ALDH7A1: variants seen among roughly 807,000 people sequenced by gnomAD.
ALDH7A1 encodes alpha-aminoadipic semialdehyde dehydrogenase.
ALDH7A1 carries 63 observed loss-of-function variants against 79.9 expected under a neutral mutation model. The ratio of observed to expected loss-of-function variants is 0.79; its 90% CI spans 0.64 to 0.97. The LOEUF (loss-of-function observed/expected upper bound fraction) is 0.97. Among genes scored for constraint, ALDH7A1 ranks in the 50% least tolerant of loss-of-function variants. The pLI is 0.00. For synonymous variants in ALDH7A1, 240 were observed against 231.2 expected (o/e 1.04, Z -0.34); for missense variants, 627 against 665.2 (o/e 0.94, Z 0.63).
At chr5:126,572,355 A>AG (rs1185129135) in intron 7 of ALDH7A1, among the ~76,000 whole-genome samples, 1 of 152,174 alleles carries the variant, frequency 6.6e-6, no homozygotes. Context: ...AATTCTTCCC[A>AG]GGGACTCCGG....
rs184407835 is a variant in ALDH7A1 at position 126,584,797 on chromosome 5, C to T, written c.313-785G>A. Among the ~76,000 whole-genome samples the T allele has an allele frequency of 2.0e-4, 30 of 151,042 alleles. No individual in the cohort carries two copies. The South Asian group carries it at 4.2e-3, about 21-fold the overall frequency. ...AATTAAAGAACTCAGGATAACTTCC[C>T]GCTCTCTGGCTTAAATAGGTAGGTA... is the stretch of plus-strand genomic sequence containing the variant. On this transcript the variant is annotated intron_variant, in intron 3 of 17. Coordinates refer to ENST00000409134, the MANE Select transcript of ALDH7A1 (RefSeq NM_001182.5).
At chr5:126,572,466 A>G (rs1750808932) in intron 7 of ALDH7A1, among the ~76,000 whole-genome samples, 1 of 152,346 alleles carries the variant, frequency 6.6e-6, no homozygotes, top group African/African-American at 2.4e-5. Context: ...CCCCTAAGGC[A>G]TGAGAATCTA....
chr5:126,563,069 T>G (rs1170758487), intron 9 of ALDH7A1, among the ~76,000 whole-genome samples: 1 of 152,202 alleles, frequency 6.6e-6, no homozygotes, highest in Non-Finnish European at 1.5e-5. Flanking sequence ...TATGATCATG[T>G]GAATGTACTT....
chr5:126,551,317 G>C (rs1749988922), intron 14 of ALDH7A1, among the ~76,000 whole-genome samples: 1 of 146,634 alleles, frequency 6.8e-6, no homozygotes, highest in South Asian at 2.2e-4. Flanking sequence ...TATAACTATA[G>C]GTCTTTTTTT....
At chr5:126,588,143 T>G (rs1404029396) in intron 3 of ALDH7A1, 1 of 152,044 alleles carries the variant, frequency 6.6e-6, no homozygotes, top group Admixed American at 6.6e-5. Context: ...TTAAGAAAGA[T>G]CATAATGTCA....
intron 14 of ALDH7A1, among the ~76,000 whole-genome samples, chr5:126,550,809 AAAG>A (rs1449648170): frequency 6.6e-6 from 1 of 152,266 alleles, no homozygotes; most frequent in Non-Finnish European, 1.5e-5. Context: ...AGCAAGAAAT[AAAG>A]AAGCAATGAT....
At chr5:126,594,354 T>C in intron 1 of ALDH7A1, 5 of 449,144 alleles carry the variant, frequency 1.1e-5, no homozygotes, top group South Asian at 6.4e-5. Context: ...AGAGCCAGAG[T>C]TAAGCTCTAA....
At chr5:126,564,448 T>A (rs1750503147) in intron 9 of ALDH7A1, 1 of 1,021,010 alleles carries the variant, frequency 9.8e-7, no homozygotes, top group Non-Finnish European at 1.3e-6. Context: ...GTGCCCAGCC[T>A]TAGACATACA....
Position 126,568,373 on chromosome 5 carries a change from A to G in ALDH7A1, c.774-17T>C, listed in dbSNP as rs753037828. 1 of 1,608,662 alleles carries G rather than the reference A, an allele frequency of 6.2e-7. No homozygotes were observed. ...ATTGCTGTGCTGCAAGGGAACAGACACGGTCGGCCACCCAAGCAGAGAAAC... is the reference window on the plus strand; with the variant it reads ...ATTGCTGTGCTGCAAGGGAACAGACGCGGTCGGCCACCCAAGCAGAGAAAC... On this transcript the variant is annotated splice_polypyrimidine_tract_variant and intron_variant, in intron 8 of 17. Coordinates refer to ENST00000409134, the MANE Select transcript of ALDH7A1 (RefSeq NM_001182.5).
chr5:126,575,596 T>C (rs955416020), intron 6 of ALDH7A1, 132 bp from the exon 7 acceptor site: 135 of 731,654 alleles, frequency 1.8e-4, no homozygotes, highest in Admixed American at 1.1e-4. Flanking sequence ...CAAGTGAGTC[T>C]AGTAACTGAA....
rs1749689086 is a variant in ALDH7A1, at chr5:126,543,700, GA to G, written c.*1264del. 1 of 152,240 alleles carries G rather than the reference GA, an allele frequency of 6.6e-6. No individual in the cohort carries two copies. Among genetic ancestry groups the G allele is most frequent in the Admixed American group, 6.5e-5 (1 of 15,284 alleles). 9.4% of individuals were successfully genotyped at this position (152,240 alleles called of 1,614,324 possible). A position where few individuals can be genotyped will look rare whatever the true frequency, so the allele number is the denominator to read the frequency against. ...GCTCCATTCTAACCTGGCAGGAGTA[GA>G]GGGGTGCCATGCAGAAGGGGAGCAG... On this transcript the variant is annotated 3_prime_UTR_variant, in exon 18 of 18. Coordinates refer to ENST00000409134, the MANE Select transcript of ALDH7A1 (RefSeq NM_001182.5).
rs1251417923 is a variant in ALDH7A1 at position 126,561,200 on chromosome 5, C to T, written c.872-76G>A. 3.4e-6 allele frequency: 4 copies of T among 1,183,672 alleles called. No homozygotes were observed. In the East Asian group the frequency reaches 1.0e-4, roughly 31 times the overall value. The allele number at this position is 1,183,672 out of a possible 1,614,324, so 73.3% of individuals were successfully genotyped here. On this transcript the variant is annotated intron_variant, in intron 9 of 17. Coordinates refer to ENST00000409134, the MANE Select transcript of ALDH7A1 (RefSeq NM_001182.5). ...CTGCACACTGCTACACAGCCTAATCCCAATTATTAAATTATATAGCCTGTC... is the reference window on the plus strand; with the variant it reads ...CTGCACACTGCTACACAGCCTAATCTCAATTATTAAATTATATAGCCTGTC...
intron 14 of ALDH7A1, among the ~76,000 whole-genome samples, 185 bp from the exon 15 acceptor site, chr5:126,550,478 G>T (rs796163538): frequency 6.6e-6 from 1 of 151,878 alleles, no homozygotes; most frequent in African/African-American, 2.4e-5. Flanking sequence ...AAAAATTTTG[G>T]GATTTTTCCC....
intron 7 of ALDH7A1, among the ~76,000 whole-genome samples, chr5:126,572,198 T>C (rs1750800974): frequency 6.6e-6 from 1 of 152,196 alleles, no homozygotes; most frequent in Non-Finnish European, 1.5e-5. Flanking sequence ...AATCCCATGC[T>C]CACTTTCATA....
intron 5 of ALDH7A1, chr5:126,580,143 G>A (rs1751122786): frequency 6.0e-6 from 1 of 167,126 alleles, no homozygotes; most frequent in Admixed American, 6.5e-5. Flanking sequence ...CTGTTGCCCA[G>A]GTTGGAGAAC....
At position 126,568,398 on chromosome 5, in the gene ALDH7A1, C is replaced by A. The variant is rs756262373; in HGVS notation, c.774-42G>T. ...ACGGTCGGCCACCCAAGCAGAGAAACCCAGCAATTACAACATCTAATGGTA... is the reference window on the plus strand; with the variant it reads ...ACGGTCGGCCACCCAAGCAGAGAAAACCAGCAATTACAACATCTAATGGTA... On this transcript the variant is annotated intron_variant, in intron 8 of 17. Coordinates refer to ENST00000409134, the MANE Select transcript of ALDH7A1 (RefSeq NM_001182.5). 6 of 1,525,110 alleles carry A rather than the reference C, an allele frequency of 3.9e-6. No homozygotes were observed. In the African/African-American group the frequency reaches 8.2e-5, roughly 21 times the overall value. 94.5% of individuals were successfully genotyped at this position (1,525,110 alleles called of 1,614,324 possible).
At chr5:126,570,674 C>T in intron 8 of ALDH7A1, 108 bp downstream of exon 8, 1 of 1,085,412 alleles carries the variant, frequency 9.2e-7, no homozygotes, top group Non-Finnish European at 1.4e-6. Context: ...TTTCAAAAAC[C>T]ATTCTCAACT....
rs1373238156 is a variant in ALDH7A1 at position 126,549,943 on chromosome 5, A to G, written c.1475T>C (p.Ile492Thr). Residue 492 changes from isoleucine to threonine, a missense_variant, in exon 16 of 18, where the codon ATT becomes ACT. Physicochemically the swap from Ile to Thr is moderately conservative, Grantham distance 89. Transcript: ENST00000409134. The stretch of plus-strand genomic sequence containing the variant: ...TCTCTACGTACCAAAGGCACCTCCA[A>G]TCTCAGCCCCACTTGTTGGAATGTT... ...NVNIPTSGAE[I>T]GGAFGGEKHT... 1 of 1,614,048 alleles carries G rather than the reference A, an allele frequency of 6.2e-7. No individual in the cohort carries two copies. The highest frequency in any genetic ancestry group is 8.5e-7 in the Non-Finnish European group (1 of 1,180,012).
intron 3 of ALDH7A1, chr5:126,586,396 G>A (rs1581398642): frequency 6.6e-6 from 1 of 152,276 alleles, no homozygotes; most frequent in Non-Finnish European, 1.5e-5. Context: ...CAGTATACAT[G>A]GCCTTTTACC....
Sources: gnomAD v4.1 joint callset for allele counts (sites outside exome capture counted in the v4.1 genomes callset) on GRCh38, gnomAD v4.1.1 for gene constraint, MANE v1.5 for transcripts, NCBI Gene and HGNC (gene_info 2026-07-23, HGNC 2026-07-21) for gene names.